Variants in PRICKLE2 observed in about 807,000 individuals in gnomAD.
PRICKLE2 encodes prickle planar cell polarity protein 2.
PRICKLE2 carries 21 observed loss-of-function variants against 81.4 expected under a neutral mutation model. The ratio of observed to expected loss-of-function variants is 0.26; its 90% confidence interval spans 0.18 to 0.37. The LOEUF (loss-of-function observed/expected upper bound fraction) is 0.37. Among genes scored for constraint, PRICKLE2 ranks in the 10% least tolerant of loss-of-function variants. The pLI is 1.00. For missense variants in PRICKLE2, 940 were observed against 1,109.0 expected (o/e 0.85, Z 2.16); for synonymous variants, 456 against 421.5 (o/e 1.08, Z -1.00).
intron 7 of PRICKLE2, among the ~76,000 whole-genome samples, chr3:64,105,481 ACCCT>A (rs2076740161): frequency 1.3e-5 from 2 of 151,804 alleles, no homozygotes; most frequent in Non-Finnish European, 2.9e-5. Context: ...AAAAGCAACC[ACCCT>A]CCAACCTGGA....
chr3:64,229,784 A>G (rs2079076017), upstream of PRICKLE2, among the ~76,000 whole-genome samples: 1 of 152,242 alleles, frequency 6.6e-6, no homozygotes, highest in Non-Finnish European at 1.5e-5. Context: ...ATTTTACTCA[A>G]GAGTAATCCT....
intron 7 of PRICKLE2, among the ~76,000 whole-genome samples, chr3:64,140,558 T>A (rs1424111026): frequency 6.6e-6 from 1 of 152,176 alleles, no homozygotes; most frequent in Non-Finnish European, 1.5e-5. Flanking sequence ...CCAGTTGTCC[T>A]GTGGTGTGGC....
intron 7 of PRICKLE2, among the ~76,000 whole-genome samples, chr3:64,130,814 G>A (rs910096400): frequency 6.6e-6 from 1 of 152,134 alleles, no homozygotes; most frequent in African/African-American, 2.4e-5. Flanking sequence ...GTGGGGTCCA[G>A]GTATCAGTAT....
chr3:64,099,777 C>T lies in PRICKLE2; in HGVS notation c.1809G>A (p.Glu603=), dbSNP rs768820914. The T allele has an allele frequency of 6.2e-7, 1 of 1,614,212 alleles. No individual in the cohort carries two copies. The part of the protein sequence containing the change: ...LNSSMQFRSA[E]SVRSLLSAQQ... ...GGGCAGAGAGCAGGCTGCGAACTGA[C>T]TCTGCGCTCCGGAACTGCATGGACG... Residue 603 remains glutamate, a synonymous_variant, in exon 8 of 8, where the codon GAG becomes GAA. Transcript: ENST00000638394. The surrounding 1 kb of genome is among the most constrained non-coding windows in gnomAD (Gnocchi z 4.3).
chr3:64,191,802 G>C (rs1356818608), intron 2 of PRICKLE2, among the ~76,000 whole-genome samples: 1 of 152,182 alleles, frequency 6.6e-6, no homozygotes. Flanking sequence ...CGGAAGCAAG[G>C]CTCTTCCCAC....
intron 2 of PRICKLE2, chr3:64,174,437 G>C (rs962103438): frequency 2.3e-5 from 3 of 131,290 alleles, no homozygotes; most frequent in African/African-American, 7.4e-5. Flanking sequence ...CCTAGCTTCG[G>C]TTGACCGACA....
intron 1 of PRICKLE2, among the ~76,000 whole-genome samples, chr3:64,210,478 G>A (rs988023689): frequency 6.6e-6 from 1 of 152,098 alleles, no homozygotes; most frequent in Non-Finnish European, 1.5e-5. Context: ...AGGCTGGTGT[G>A]TGCTGAGTGC....
upstream of PRICKLE2, among the ~76,000 whole-genome samples, chr3:64,226,757 A>T (rs577825767): frequency 2.0e-5 from 3 of 152,344 alleles, 1 homozygote; most frequent in African/African-American, 7.2e-5. Flanking sequence ...AAAATCATAT[A>T]TTCCTTCAAT....
intron 2 of PRICKLE2, among the ~76,000 whole-genome samples, chr3:64,175,967 C>A (rs567515008): frequency 6.6e-6 from 1 of 152,232 alleles, no homozygotes; most frequent in South Asian, 2.1e-4. Context: ...AGCACCTAGG[C>A]TCTTCCTGTC....
intron 7 of PRICKLE2, among the ~76,000 whole-genome samples, chr3:64,114,198 GA>G (rs61130256): frequency 0.039 from 5,145 of 133,550 alleles, 286 homozygotes; most frequent in East Asian, 0.29. Context: ...ATAGGATTAA[GA>G]AAAAAAAAAA....
At chr3:64,240,574 T>C (rs1466439677) in intron 2 of PRICKLE2, among the ~76,000 whole-genome samples, 1 of 152,134 alleles carries the variant, frequency 6.6e-6, no homozygotes, top group Non-Finnish European at 1.5e-5. Context: ...CCATGGGGCC[T>C]ACAGAATTAA....
At chr3:64,212,359 T>C (rs1391997118) in intron 1 of PRICKLE2, among the ~76,000 whole-genome samples, 5 of 152,198 alleles carry the variant, frequency 3.3e-5, no homozygotes, top group African/African-American at 7.2e-5. Context: ...TCAGAGCAAG[T>C]TCTAAGAGCC....
chr3:64,094,641 A>G lies in PRICKLE2; in HGVS notation c.*4410T>C, dbSNP rs2076545460. ...TTGACTAGGCTACTATTATGAGAAA[A>G]TGGAAAAAGAATCCAATTTTTTCTT... On this transcript the variant is annotated 3_prime_UTR_variant, in exon 8 of 8. Transcript: ENST00000638394. 6.6e-6 allele frequency: 1 copy of G among 152,276 alleles called. No individual in the cohort carries two copies. Among genetic ancestry groups the G allele is most frequent in the South Asian group, 2.1e-4 (1 of 4,834 alleles). 9.4% of individuals were successfully genotyped at this position (152,276 alleles called of 1,614,324 possible). A position where few individuals can be genotyped will look rare whatever the true frequency, so the allele number is the denominator to read the frequency against.
chr3:64,139,407 C>T (rs1264992857), intron 7 of PRICKLE2, among the ~76,000 whole-genome samples: 1 of 152,246 alleles, frequency 6.6e-6, no homozygotes. Context: ...CCCCTTGGGA[C>T]ACTGTAAACC....
intron 2 of PRICKLE2, among the ~76,000 whole-genome samples, chr3:64,244,623 TG>T (rs34118701): frequency 0.42 from 64,037 of 151,192 alleles, 14,678 homozygotes; most frequent in Non-Finnish European, 0.5. Context: ...TGTGTGTGTG[TG>T]TGTGTGTGTG....
intron 2 of PRICKLE2, chr3:64,163,403 A>G (rs1396539646): frequency 2.0e-6 from 1 of 497,382 alleles, no homozygotes; most frequent in African/African-American, 1.9e-5. Flanking sequence ...AGAATTCAGC[A>G]GACATGCTGG....
intron 7 of PRICKLE2, among the ~76,000 whole-genome samples, chr3:64,138,961 C>A (rs2077318121): frequency 1.3e-5 from 2 of 152,192 alleles, no homozygotes; most frequent in Admixed American, 6.5e-5. Context: ...AAGAATAGAC[C>A]TGGCCCTTCC....
intron 7 of PRICKLE2, among the ~76,000 whole-genome samples, chr3:64,136,110 C>T (rs190304272): frequency 1.2e-4 from 19 of 152,166 alleles, no homozygotes; most frequent in Admixed American, 6.5e-4. Context: ...TACTAAGGTG[C>T]TATTTACTAC....
intron 5 of PRICKLE2, among the ~76,000 whole-genome samples, chr3:64,155,365 TG>T: frequency 1.9e-5 from 2 of 102,778 alleles, no homozygotes; most frequent in African/African-American, 5.9e-5. Context: ...ATAGCTATAA[TG>T]AAAAAAAAAA....
Sources: gnomAD v4.1 joint callset for allele counts (sites outside exome capture counted in the v4.1 genomes callset) on GRCh38, gnomAD v4.1.1 for gene constraint, Gnocchi (gnomAD v3.1) non-coding constraint, MANE v1.5 for transcripts, NCBI Gene and HGNC (gene_info 2026-07-23, HGNC 2026-07-21) for gene names.